CTTNBP2NL: variants seen among roughly 807,000 people sequenced by gnomAD.
CTTNBP2NL encodes CTTNBP2 N-terminal-like protein.
A neutral mutation model predicts 32.5 loss-of-function variants in CTTNBP2NL; 16 were observed. The ratio of observed to expected loss-of-function variants is 0.49; its 90% CI spans 0.33 to 0.75. The LOEUF (loss-of-function observed/expected upper bound fraction) is 0.75. Ranked by LOEUF, CTTNBP2NL falls within the 30% of genes least tolerant of loss-of-function variation. CTTNBP2NL has a pLI of 0.02. For synonymous variants in CTTNBP2NL, 298 were observed against 289.4 expected, an observed-to-expected ratio of 1.03 and a Z score of -0.30; for missense variants, 645 against 756.0, an observed-to-expected ratio of 0.85 and a Z score of 1.72.
intron 2 of CTTNBP2NL, among the ~76,000 whole-genome samples, chr1:112,415,508 TA>T (rs1304141903): frequency 1.3e-5 from 2 of 152,078 alleles, no homozygotes; most frequent in Admixed American, 1.3e-4. Context: ...GTATTCATTA[TA>T]ACACAATTTT....
At chr1:112,446,861 T>G (rs1040164955) in intron 3 of CTTNBP2NL, among the ~76,000 whole-genome samples, 3 of 152,194 alleles carry the variant, frequency 2.0e-5, no homozygotes, top group Non-Finnish European at 4.4e-5. Context: ...TTCACCATGT[T>G]TTAAAATAAG....
chr1:112,393,314 C>T (rs1648229087), upstream of CTTNBP2NL, among the ~76,000 whole-genome samples: 12 of 152,146 alleles, frequency 7.9e-5, no homozygotes, highest in Admixed American at 7.9e-4. Flanking sequence ...TACTCCATTG[C>T]TGCCTCCCCA....
intron 3 of CTTNBP2NL, among the ~76,000 whole-genome samples, chr1:112,437,342 A>G (rs547528286): frequency 2.6e-5 from 4 of 152,312 alleles, no homozygotes; most frequent in Admixed American, 6.5e-5. Context: ...ATGAGATGGT[A>G]TCTCATTGTG....
At chr1:112,451,311 T>C (rs762937209) in intron 4 of CTTNBP2NL, among the ~76,000 whole-genome samples, 1 of 149,712 alleles carries the variant, frequency 6.7e-6, no homozygotes, top group Non-Finnish European at 1.5e-5. Flanking sequence ...AATCCTCTTT[T>C]CCCACCACCA....
At chr1:112,408,220 A>AT (rs397981257) in intron 1 of CTTNBP2NL, among the ~76,000 whole-genome samples, 14,120 of 103,548 alleles carry the variant, frequency 0.14, 1,032 homozygotes, top group African/African-American at 0.16. Context: ...TTTTTTTTTA[A>AT]TTTTTTTTTT....
intron 3 of CTTNBP2NL, among the ~76,000 whole-genome samples, chr1:112,424,931 T>G (rs958564863): frequency 2.0e-5 from 3 of 151,836 alleles, no homozygotes; most frequent in Admixed American, 6.6e-5. Context: ...TCCTCCTGCC[T>G]TAGCCTCCCA....
At chr1:112,410,222 A>G (rs576617054) in intron 1 of CTTNBP2NL, among the ~76,000 whole-genome samples, 90 of 152,292 alleles carry the variant, frequency 5.9e-4, no homozygotes, top group African/African-American at 2.0e-3. Context: ...GAGAAACCCC[A>G]TCTCTACTAA....
intron 1 of CTTNBP2NL, among the ~76,000 whole-genome samples, chr1:112,407,849 T>TC (rs1648718770): frequency 7.2e-6 from 1 of 138,986 alleles, no homozygotes; most frequent in East Asian, 2.1e-4. Flanking sequence ...TCTTTTTTTT[T>TC]TTTTTTTTTT....
intron 1 of CTTNBP2NL, among the ~76,000 whole-genome samples, chr1:112,399,376 G>T (rs189174594): frequency 1.4e-5 from 2 of 148,042 alleles, no homozygotes; most frequent in African/African-American, 5.0e-5. Context: ...ACAAGTTATT[G>T]ATCTACTTTG....
intron 2 of CTTNBP2NL, 178 bp from the exon 3 acceptor site, chr1:112,415,979 T>C (rs1649049051): frequency 3.8e-6 from 2 of 526,574 alleles, no homozygotes; most frequent in African/African-American, 4.0e-5. Context: ...AATTTTACTT[T>C]CTGTTGTTGC....
At chr1:112,455,893 A>G in intron 5 of CTTNBP2NL, 38 bp from the exon 6 acceptor site, 3 of 1,465,666 alleles carry the variant, frequency 2.0e-6, no homozygotes, top group Non-Finnish European at 2.8e-6. Flanking sequence ...ACTTGATCAC[A>G]GTTTGTCAGT....
intron 3 of CTTNBP2NL, among the ~76,000 whole-genome samples, chr1:112,425,299 C>T (rs1570728187): frequency 1.3e-5 from 2 of 151,778 alleles, no homozygotes; most frequent in Admixed American, 1.3e-4. Flanking sequence ...GGTGAAACCC[C>T]GTCTCTACTA....
chr1:112,433,624 C>T (rs993679173), intron 3 of CTTNBP2NL, among the ~76,000 whole-genome samples: 3 of 152,078 alleles, frequency 2.0e-5, no homozygotes, highest in African/African-American at 7.2e-5. Flanking sequence ...TAATAAAATT[C>T]CCTGTATCCT....
chr1:112,449,892 C>G (rs1397487608), intron 4 of CTTNBP2NL, among the ~76,000 whole-genome samples: 1 of 152,008 alleles, frequency 6.6e-6, no homozygotes, highest in Non-Finnish European at 1.5e-5. Context: ...GAAGGCAAAC[C>G]TGTGCTTTCC....
At chr1:112,394,097 T>G (rs746870307), upstream of CTTNBP2NL, among the ~76,000 whole-genome samples, 95 of 151,174 alleles carry the variant, frequency 6.3e-4, 1 homozygote, top group Non-Finnish European at 8.5e-4. Flanking sequence ...TCCCAGCTAC[T>G]CGGAAAGCTG....
At chr1:112,440,670 T>G (rs1649867583) in intron 3 of CTTNBP2NL, among the ~76,000 whole-genome samples, 1 of 152,220 alleles carries the variant, frequency 6.6e-6, no homozygotes, top group African/African-American at 2.4e-5. Flanking sequence ...TGGGGATGTA[T>G]TTCTGTATTA....
chr1:112,408,311 G>A lies in CTTNBP2NL; in HGVS notation c.-133-3883G>A, dbSNP rs139969368. ...CTCCTGTTTGGCCTCCCAAAGTGCTGAGATTACAGGCATATGCCACTGCAC... is the reference window on the plus strand; with the variant it reads ...CTCCTGTTTGGCCTCCCAAAGTGCTAAGATTACAGGCATATGCCACTGCAC... On this transcript the variant is annotated intron_variant, in intron 1 of 5. Coordinates refer to ENST00000271277, the MANE Select transcript of CTTNBP2NL (RefSeq NM_018704.3). 5.7e-5 allele frequency among the ~76,000 whole-genome samples: 8 copies of A among 141,096 alleles called. No individual in the cohort carries two copies. The East Asian group carries it at 1.7e-3, about 29-fold the overall frequency. 92.6% of individuals were successfully genotyped at this position (141,096 alleles called of 152,430 possible).
At chr1:112,448,903 T>G (rs1448564758) in intron 3 of CTTNBP2NL, 39 bp from the exon 4 acceptor site, 2 of 1,262,002 alleles carry the variant, frequency 1.6e-6, no homozygotes, top group African/African-American at 2.9e-5. Flanking sequence ...CTCAGTAGTT[T>G]TAAAAAGCAA....
At chr1:112,447,924 T>G (rs1650102237) in intron 3 of CTTNBP2NL, among the ~76,000 whole-genome samples, 2 of 152,220 alleles carry the variant, frequency 1.3e-5, no homozygotes. Context: ...TTGTAAAATA[T>G]CTCAAGAAAC....
Sources: allele counts gnomAD v4.1 joint callset (sites outside exome capture counted in the v4.1 genomes callset), GRCh38; gene constraint gnomAD v4.1.1; transcripts MANE v1.5; gene names NCBI Gene and HGNC (gene_info 2026-07-23, HGNC 2026-07-21).